The following RNF128 variants were observed in gnomAD, a reference collection of about 807,000 sequenced individuals.
RNF128 encodes E3 ubiquitin-protein ligase RNF128.
RNF128 carries 13 observed loss-of-function variants against 26.2 expected under a neutral mutation model. That is an observed-to-expected ratio of 0.50 (90% CI 0.32 to 0.79). The LOEUF (loss-of-function observed/expected upper bound fraction) is 0.79. RNF128 is among the 30% of genes least tolerant of loss of function. The probability of loss-of-function intolerance (pLI) is 0.03; values close to 1 mark genes in which losing one functional copy is unlikely to be tolerated. For synonymous variants in RNF128, 149 were observed against 142.5 expected (o/e 1.05, Z -0.32); for missense variants, 315 against 349.7 (o/e 0.90, Z 0.79).
intron 1 of RNF128, among the ~76,000 whole-genome samples, chrX:106,709,050 C>T (rs1929085289): frequency 9.0e-6 from 1 of 111,375 alleles, no homozygotes; most frequent in Non-Finnish European, 1.9e-5. Context: ...GGAATGAGTG[C>T]TAACCATTCT....
intron 1 of RNF128, among the ~76,000 whole-genome samples, chrX:106,767,444 A>G (rs1318567156): frequency 3.6e-5 from 4 of 111,179 alleles, no homozygotes; most frequent in East Asian, 2.8e-4. Flanking sequence ...TTTTTAAGTT[A>G]GATTCCTAGG....
chrX:106,784,716 A>T (rs1930622667), intron 2 of RNF128, among the ~76,000 whole-genome samples: 1 of 111,798 alleles, frequency 8.9e-6, no homozygotes, highest in African/African-American at 3.2e-5. Flanking sequence ...TTGGAAAAAA[A>T]ATGCATATTA....
Position 106,727,321 on chromosome X carries a change from TGAGA to T in RNF128, c.412_415del (p.Arg138GlyfsTer26). On this transcript the variant is annotated frameshift_variant, in exon 1 of 7. Transcript: ENST00000255499. LOFTEE classifies it high-confidence loss of function. ...TCGCAGACAAGATCCATCTGGCTTATGAGAGAGGGGCGTCTGGAGCCGTCATCTT... is the reference window on the plus strand; with the variant it reads ...TCGCAGACAAGATCCATCTGGCTTATGAGGGGCGTCTGGAGCCGTCATCTT... The T allele has an allele frequency of 4.1e-6, 5 of 1,211,584 alleles. No individual in the cohort carries two copies. Among genetic ancestry groups the T allele is most frequent in the Non-Finnish European group, 5.6e-6 (5 of 895,395 alleles).
chrX:106,794,527 T>C (rs955857769), intron 6 of RNF128, among the ~76,000 whole-genome samples: 2 of 111,027 alleles, frequency 1.8e-5, no homozygotes, highest in Admixed American at 9.7e-5. Flanking sequence ...AAATCTAGGT[T>C]AACCTTGTAC....
chrX:106,707,847 G>A (rs1929069240), intron 1 of RNF128, among the ~76,000 whole-genome samples: 1 of 111,376 alleles, frequency 9.0e-6, no homozygotes, highest in African/African-American at 3.3e-5. Flanking sequence ...TGATAACTTA[G>A]CAGGGATTAA....
chrX:106,715,004 G>A (rs1433721861), intron 1 of RNF128, among the ~76,000 whole-genome samples: 3 of 111,956 alleles, frequency 2.7e-5, no homozygotes, highest in Admixed American at 9.5e-5. Context: ...GAGTGAAGTT[G>A]CTATGAAAAT....
intron 1 of RNF128, among the ~76,000 whole-genome samples, chrX:106,728,082 T>A (rs1285701274): frequency 3.6e-5 from 4 of 111,493 alleles, no homozygotes; most frequent in African/African-American, 1.3e-4. Flanking sequence ...AGGCCTAGAC[T>A]TTGGAAAAAA....
At chrX:106,700,851 T>G (rs1928946717) in intron 1 of RNF128, among the ~76,000 whole-genome samples, 1 of 112,200 alleles carries the variant, frequency 8.9e-6, no homozygotes, top group South Asian at 3.7e-4. Context: ...TGGAGTTATG[T>G]TCATGTCAGT....
intron 1 of RNF128, among the ~76,000 whole-genome samples, chrX:106,749,199 A>T (rs1270024566): frequency 1.8e-5 from 2 of 112,166 alleles, no homozygotes; most frequent in East Asian, 5.6e-4. Flanking sequence ...AAATCGGGAG[A>T]TTAAATATCT....
At position 106,795,769 on chromosome X, in the gene RNF128, G is replaced by T; in HGVS notation, c.*56G>T. On this transcript the variant is annotated 3_prime_UTR_variant, in exon 7 of 7. Coordinates refer to ENST00000255499, the MANE Select transcript of RNF128 (RefSeq NM_194463.2). ...AGTAATAACAGAACTGCCAATCAGG[G>T]CCTAGTTTCTATTAATAAATTGGAT... The T allele has an allele frequency of 1.0e-6, 1 of 975,927 alleles. No individual in the cohort carries two copies. Among genetic ancestry groups the T allele is most frequent in the South Asian group, 2.9e-5 (1 of 34,360 alleles). The allele number at this position is 975,927 out of a possible 1,213,427, so 80.4% of individuals were successfully genotyped here. A position where few individuals can be genotyped will look rare whatever the true frequency, so the allele number is the denominator to read the frequency against.
intron 1 of RNF128, among the ~76,000 whole-genome samples, chrX:106,702,645 T>C (rs2147657968): frequency 8.9e-6 from 1 of 112,364 alleles, no homozygotes; most frequent in East Asian, 2.8e-4. Context: ...TGTCTAAACT[T>C]GCAAGTTTTA....
At chrX:106,706,427 A>G (rs1054018341) in intron 1 of RNF128, among the ~76,000 whole-genome samples, 3 of 112,001 alleles carry the variant, frequency 2.7e-5, no homozygotes, top group Non-Finnish European at 5.6e-5. Flanking sequence ...TTATTCACTC[A>G]ACAAATGTTT....
chrX:106,758,664 A>G (rs1452078974), intron 1 of RNF128, among the ~76,000 whole-genome samples: 4 of 111,841 alleles, frequency 3.6e-5, no homozygotes, highest in Non-Finnish European at 5.6e-5. Flanking sequence ...ACAAAGTGCC[A>G]AGAACATACA....
chrX:106,749,726 T>C (rs929106630), intron 1 of RNF128, among the ~76,000 whole-genome samples: 4 of 110,120 alleles, frequency 3.6e-5, no homozygotes, highest in African/African-American at 1.3e-4. Flanking sequence ...GGCAACATAG[T>C]GAGACCCCTG....
chrX:106,713,859 T>C (rs1018245792), intron 1 of RNF128, among the ~76,000 whole-genome samples: 7 of 111,186 alleles, frequency 6.3e-5, no homozygotes, highest in Non-Finnish European at 1.3e-4. Context: ...CAGAGGTAAC[T>C]CTGACCTCAG....
intron 1 of RNF128, among the ~76,000 whole-genome samples, chrX:106,707,198 C>T (rs928082251): frequency 9.0e-6 from 1 of 111,534 alleles, no homozygotes; most frequent in African/African-American, 3.3e-5. Flanking sequence ...TTCAGAAATC[C>T]CTTAAACTAA....
chrX:106,702,945 T>C (rs1928983373), intron 1 of RNF128, among the ~76,000 whole-genome samples: 1 of 112,022 alleles, frequency 8.9e-6, no homozygotes, highest in African/African-American at 3.2e-5. Flanking sequence ...AATAGTCATG[T>C]AAATATTTAA....
intron 1 of RNF128, among the ~76,000 whole-genome samples, chrX:106,708,702 G>A (rs1312502156): frequency 1.8e-5 from 2 of 111,649 alleles, no homozygotes; most frequent in Non-Finnish European, 3.8e-5. Context: ...CATTTTAGTA[G>A]CAATTCATTT....
At chrX:106,765,726 T>A (rs1202464372) in intron 1 of RNF128, among the ~76,000 whole-genome samples, 1 of 111,820 alleles carries the variant, frequency 8.9e-6, no homozygotes, top group Non-Finnish European at 1.9e-5. Context: ...TTGGTTTTTT[T>A]ATTATTATAC....
Sources: gnomAD v4.1 joint callset for allele counts (sites outside exome capture counted in the v4.1 genomes callset) on GRCh38, gnomAD v4.1.1 for gene constraint, MANE v1.5 for transcripts, NCBI Gene and HGNC (gene_info 2026-07-23, HGNC 2026-07-21) for gene names.